The following MFAP2 variants were observed in gnomAD, a reference collection of about 807,000 sequenced individuals.
MFAP2 encodes the protein microfibrillar-associated protein 2.
MFAP2 carries 23 observed loss-of-function variants against 30.6 expected under a neutral mutation model. The ratio of observed to expected loss-of-function variants is 0.75; its 90% CI spans 0.54 to 1.07. MFAP2 has a LOEUF of 1.07. Among genes scored for constraint, MFAP2 ranks in the 50% least tolerant of loss-of-function variants. The pLI, the probability that MFAP2 is intolerant of heterozygous loss-of-function variation, is 0.00. For synonymous variants in MFAP2, 73 were observed against 85.7 expected (o/e 0.85, Z 0.82); for missense variants, 198 against 223.8 (o/e 0.88, Z 0.74).
Position 16,976,874 on chromosome 1 carries a change from C to T in MFAP2, c.154+23G>A. ...TCCCCACCCCAGCTGCCGGCCCGTCCTATCCTACCCCTAGCCCGTTACCTT... is the reference window on the plus strand; with the variant it reads ...TCCCCACCCCAGCTGCCGGCCCGTCTTATCCTACCCCTAGCCCGTTACCTT... On this transcript the variant is annotated intron_variant, in intron 4 of 8. Coordinates refer to ENST00000375535, the MANE Select transcript of MFAP2 (RefSeq NM_002403.4). This position sits in a 1 kb window ranked among gnomAD's most constrained non-coding sequence, Gnocchi z 5.5. 1 of 1,614,108 alleles carries T rather than the reference C, an allele frequency of 6.2e-7. No individual in the cohort carries two copies. The highest frequency in any genetic ancestry group is 1.7e-5 in the Admixed American group (1 of 60,012).
intron 3 of MFAP2, 84 bp from the exon 4 acceptor site, chr1:16,977,007 G>C: frequency 6.2e-7 from 1 of 1,613,166 alleles, no homozygotes; most frequent in Non-Finnish European, 8.5e-7. Flanking sequence ...TCCTGAGCCA[G>C]GGACCAACCC....
rs780534897 is a variant in MFAP2 at position 16,976,765 on chromosome 1, A to G, written c.184T>C (p.Phe62Leu). ...EVTPRPSEEQ[F>L]QFQSQQQVQQ... ...ACTTGCTGCTGGGACTGGAACTGGAACTGTTCCTCGGAGGGCCGAGGAGTC... is the reference window on the plus strand; with the variant it reads ...ACTTGCTGCTGGGACTGGAACTGGAGCTGTTCCTCGGAGGGCCGAGGAGTC... Residue 62 changes from phenylalanine to leucine, a missense_variant, in exon 5 of 9, where the codon TTC becomes CTC. Phe to Leu is a conservative substitution (Grantham distance 22). Coordinates refer to ENST00000375535, the MANE Select transcript of MFAP2 (RefSeq NM_002403.4). The surrounding 1 kb of genome is among the most constrained non-coding windows in gnomAD (Gnocchi z 5.5). 6.2e-7 allele frequency: 1 copy of G among 1,613,772 alleles called. No homozygotes were observed. Among genetic ancestry groups the G allele is most frequent in the Non-Finnish European group, 8.5e-7 (1 of 1,179,882 alleles).
chr1:16,978,582 G>A (rs185103916), intron 1 of MFAP2, among the ~76,000 whole-genome samples: 2 of 152,260 alleles, frequency 1.3e-5, no homozygotes, highest in East Asian at 1.9e-4. Context: ...AGGGAAGGGC[G>A]GACCCTGCCC....
Position 16,975,855 on chromosome 1 carries a change from C to G in MFAP2, c.287-125G>C. On this transcript the variant is annotated intron_variant, in intron 6 of 8. Transcript: ENST00000375535. This position sits in a 1 kb window ranked among gnomAD's most constrained non-coding sequence, Gnocchi z 5.0. ...TTCAGGCCCCGTGCAGACACCCATA[C>G]CTACACATGCCCACATAGACCCACG... The G allele has an allele frequency of 1.4e-6, 1 of 701,834 alleles. No homozygotes were observed. The highest frequency in any genetic ancestry group is 2.4e-6 in the Non-Finnish European group (1 of 408,844). The allele number at this position is 701,834 out of a possible 1,614,324, so 43.5% of individuals were successfully genotyped here.
In MFAP2 at chr1:16,976,750, G is replaced by GGGACT; in HGVS notation, c.194_198dup (p.Gln67SerfsTer98). ...ATGACTTCCTGTTGGACTTGCTGCT[G>GGGACT]GGACTGGAACTGGAACTGTTCCTCG... On this transcript the variant is annotated frameshift_variant, in exon 5 of 9. Transcript: ENST00000375535. LOFTEE classifies it high-confidence loss of function. This position sits in a 1 kb window ranked among gnomAD's most constrained non-coding sequence, Gnocchi z 5.5. 6.2e-7 allele frequency: 1 copy of GGGACT among 1,613,922 alleles called. No individual in the cohort carries two copies. Among genetic ancestry groups the GGGACT allele is most frequent in the Non-Finnish European group, 8.5e-7 (1 of 1,179,888 alleles).
chr1:16,977,839 C>A (rs528624580), intron 2 of MFAP2: 305 of 182,254 alleles, frequency 1.7e-3, no homozygotes, highest in Non-Finnish European at 3.0e-3. Context: ...CCAGTAGGGA[C>A]CCCCACAAGG....
Position 16,975,341 on chromosome 1 carries a change from G to A in MFAP2, c.376C>T (p.Leu126Phe). The part of the protein sequence containing the change: ...QCLNEVCFYS[L>F]RRVYVINKEI... ...TTGTTAATGACGTACACACGGCGGA[G>A]GCTGCGGGGACAGGGCACGGGAGGT... Residue 126 changes from leucine to phenylalanine, a missense_variant and splice_region_variant, in exon 8 of 9, where the codon CTC (leucine) becomes TTC (phenylalanine). Transcript: ENST00000375535. The surrounding 1 kb of genome is among the most constrained non-coding windows in gnomAD (Gnocchi z 5.0). 1.2e-6 allele frequency: 2 copies of A among 1,613,854 alleles called. No individual in the cohort carries two copies. The highest frequency in any genetic ancestry group is 1.7e-6 in the Non-Finnish European group (2 of 1,179,832).
At chr1:16,977,061 C>T in intron 3 of MFAP2, 48 bp downstream of exon 3, 1 of 1,613,108 alleles carries the variant, frequency 6.2e-7, no homozygotes, top group Non-Finnish European at 8.5e-7. Flanking sequence ...CTGGCTGAGC[C>T]AGGCACATCT....
intron 2 of MFAP2, chr1:16,977,857 T>C: frequency 4.5e-6 from 1 of 221,778 alleles, no homozygotes; most frequent in East Asian, 1.2e-4. Context: ...AGGTCAGGAC[T>C]GTATAGAGCA....
chr1:16,977,318 A>C, intron 2 of MFAP2, 120 bp from the exon 3 acceptor site: 2 of 871,482 alleles, frequency 2.3e-6, no homozygotes, highest in Non-Finnish European at 3.5e-6. Flanking sequence ...AGGACCCCAC[A>C]AGCAGATTCC....
At position 16,975,860 on chromosome 1, in the gene MFAP2, A is replaced by G. The variant is rs1480243107; in HGVS notation, c.287-130T>C. On this transcript the variant is annotated intron_variant, in intron 6 of 8. Transcript: ENST00000375535. The surrounding 1 kb of genome is among the most constrained non-coding windows in gnomAD (Gnocchi z 5.0). ...GCCCCGTGCAGACACCCATACCTAC[A>G]CATGCCCACATAGACCCACGCAGCA... The G allele has an allele frequency of 1.5e-6, 1 of 682,964 alleles. No individual in the cohort carries two copies. Among genetic ancestry groups the G allele is most frequent in the Non-Finnish European group, 2.5e-6 (1 of 393,008 alleles). The allele number at this position is 682,964 out of a possible 1,614,324, so 42.3% of individuals were successfully genotyped here. A position where few individuals can be genotyped will look rare whatever the true frequency, so the allele number is the denominator to read the frequency against.
At chr1:16,978,389 T>C (rs1250523853) in intron 1 of MFAP2, 75 bp from the exon 2 acceptor site, 1 of 1,292,314 alleles carries the variant, frequency 7.7e-7, no homozygotes, top group African/African-American at 1.5e-5. Context: ...GATCCCCTGA[T>C]TTCGCCCTGG....
rs780979875 is a variant in MFAP2 at position 16,975,237 on chromosome 1, CAG to C, written c.448+30_448+31del. 18 of 1,596,298 alleles carry C rather than the reference CAG, an allele frequency of 1.1e-5. No individual in the cohort carries two copies. The highest frequency in any genetic ancestry group is 1.0e-4 in the Admixed American group (6 of 59,504). On this transcript the variant is annotated intron_variant, in intron 8 of 8. Transcript: ENST00000375535. The surrounding 1 kb of genome is among the most constrained non-coding windows in gnomAD (Gnocchi z 5.0). Reference sequence around the variant, plus strand: ...CCAGATAATGATGCGGGTGTGGGGACAGGGGAGGTCTTGGGGAGGTGGCCTTC... The same window carrying C: ...CCAGATAATGATGCGGGTGTGGGGACGGGAGGTCTTGGGGAGGTGGCCTTC...
chr1:16,975,144 A>G lies in MFAP2; in HGVS notation c.449-121T>C. 7.8e-7 allele frequency: 1 copy of G among 1,279,734 alleles called. No individual in the cohort carries two copies. Among genetic ancestry groups the G allele is most frequent in the Non-Finnish European group, 1.1e-6 (1 of 899,704 alleles). 79.3% of individuals were successfully genotyped at this position (1,279,734 alleles called of 1,614,324 possible). A position where few individuals can be genotyped will look rare whatever the true frequency, so the allele number is the denominator to read the frequency against. ...TGAAAAGTAGCAAGGAGGGGAGCTC[A>G]GGGTGTCCTGGAAGTGGGCCTGGTG... is the stretch of plus-strand genomic sequence containing the variant. On this transcript the variant is annotated intron_variant, in intron 8 of 8. Coordinates refer to ENST00000375535, the MANE Select transcript of MFAP2 (RefSeq NM_002403.4). The surrounding 1 kb of genome is among the most constrained non-coding windows in gnomAD (Gnocchi z 5.0).
chr1:16,975,709 G>A lies in MFAP2; in HGVS notation c.308C>T (p.Pro103Leu), dbSNP rs532458357. The change falls in exon 7 of 9, where the codon CCG becomes CTG. Residue 103 changes from proline to leucine, a missense_variant. Coordinates refer to ENST00000375535, the MANE Select transcript of MFAP2 (RefSeq NM_002403.4). The surrounding 1 kb of genome is among the most constrained non-coding windows in gnomAD (Gnocchi z 5.0). ...GTGTATGGAGTAGAGGCGGGTGCAC[G>A]GGTACTGTTCCTCACGGCAGTCTGG... is the stretch of plus-strand genomic sequence containing the variant. ...GPLDCREEQY[P>L]CTRLYSIHRP... is the part of the protein sequence containing the mutation. 2.2e-5 allele frequency: 35 copies of A among 1,613,404 alleles called. No individual in the cohort carries two copies. The highest frequency in any genetic ancestry group is 2.1e-4 in the African/African-American group (16 of 74,936).
chr1:16,980,261 C>A (rs2076626574), intron 1 of MFAP2, among the ~76,000 whole-genome samples: 1 of 101,958 alleles, frequency 9.8e-6, no homozygotes. Context: ...CGGCCATTCC[C>A]ACCGGACCCC....
Position 16,977,175 on chromosome 1 carries a change from A to C in MFAP2, c.61T>G (p.Tyr21Asp). 6.2e-7 allele frequency: 1 copy of C among 1,613,416 alleles called. No individual in the cohort carries two copies. Among genetic ancestry groups the C allele is most frequent in the Non-Finnish European group, 8.5e-7 (1 of 1,179,914 alleles). Reference protein sequence around the residue: ...LPAGLLAQGQYDLDPLPPFPD... With the variant: ...LPAGLLAQGQDDLDPLPPFPD... ...AACGGCGGCAGCGGGTCCAGGTCATACTGGCCCTGAGCCAGCAAGCCTGCT... is the reference window on the plus strand; with the variant it reads ...AACGGCGGCAGCGGGTCCAGGTCATCCTGGCCCTGAGCCAGCAAGCCTGCT... The change falls in exon 3 of 9, where the codon TAT becomes GAT. Residue 21 changes from tyrosine to aspartate, a missense_variant. By Grantham distance (160) the Tyr-to-Asp change is radical. Coordinates refer to ENST00000375535, the MANE Select transcript of MFAP2 (RefSeq NM_002403.4).
At position 16,977,198 on chromosome 1, in the gene MFAP2, G is replaced by A. The variant is rs1386641012; in HGVS notation, c.38C>T (p.Ala13Val). ...ATACTGGCCCTGAGCCAGCAAGCCT[G>A]CTGTGGGGAGGCAAAGCATGTAGGG... ...AAYLFLLFLP[A>V]GLLAQGQYDL... Residue 13 changes from alanine to valine, a missense_variant and splice_region_variant, in exon 3 of 9, where the codon GCA becomes GTA. Ala to Val is a moderately conservative substitution (Grantham distance 64, BLOSUM62 0). Transcript: ENST00000375535. The A allele has an allele frequency of 1.2e-6, 2 of 1,613,130 alleles. No individual in the cohort carries two copies.
At chr1:16,978,510 A>T (rs1208375993) in intron 1 of MFAP2, among the ~76,000 whole-genome samples, 196 bp from the exon 2 acceptor site, 1 of 152,152 alleles carries the variant, frequency 6.6e-6, no homozygotes, top group African/African-American at 2.4e-5. Flanking sequence ...AAGGCCTCCA[A>T]CCCAGCTCCA....
Sources: allele counts gnomAD v4.1 joint callset (sites outside exome capture counted in the v4.1 genomes callset), GRCh38; gene constraint gnomAD v4.1.1; non-coding constraint Gnocchi (gnomAD v3.1); transcripts MANE v1.5; gene names NCBI Gene and HGNC (gene_info 2026-07-23, HGNC 2026-07-21).